The following DMD variants were observed in gnomAD, a reference collection of about 807,000 sequenced individuals.
DMD encodes dystrophin, also known as mutant dystrophin.
A neutral mutation model predicts 330.1 loss-of-function variants in DMD; 63 were observed. The observed-to-expected ratio is 0.19, with a 90% CI of 0.16 to 0.24. The LOEUF is 0.24. Among genes scored for constraint, DMD ranks in the 10% least tolerant of loss-of-function variants. DMD has a pLI of 1.00. For synonymous variants in DMD, 1,223 were observed against 959.8 expected, an observed-to-expected ratio of 1.27 and a Z score of -5.07; for missense variants, 3,344 against 2,684.1, an observed-to-expected ratio of 1.25 and a Z score of -5.43.
chrX:31,454,924 A>AT (rs1358667657), intron 59 of DMD, among the ~76,000 whole-genome samples: 1 of 99,299 alleles, frequency 1.0e-5, no homozygotes, highest in Non-Finnish European at 2.0e-5. Context: ...TGATATATAT[A>AT]TATTTTTAAG....
chrX:32,034,604 C>T (rs1290319399), intron 44 of DMD, among the ~76,000 whole-genome samples: 1 of 111,481 alleles, frequency 9.0e-6, no homozygotes, highest in African/African-American at 3.2e-5. Flanking sequence ...ATAATTATGG[C>T]TCTAAAACTG....
At chrX:31,684,937 T>C (rs909283443) in intron 52 of DMD, among the ~76,000 whole-genome samples, 6 of 112,272 alleles carry the variant, frequency 5.3e-5, no homozygotes, top group African/African-American at 1.6e-4. Context: ...ACAAACTCTT[T>C]TGATGTAAAC....
At chrX:32,714,124 T>C (rs754822065) in intron 7 of DMD, among the ~76,000 whole-genome samples, 8 of 111,642 alleles carry the variant, frequency 7.2e-5, no homozygotes, top group Admixed American at 3.8e-4. Context: ...TGAAAAATCA[T>C]TAGTCAAACC....
chrX:32,550,161 G>A (rs1266894575), intron 16 of DMD, among the ~76,000 whole-genome samples: 1 of 110,986 alleles, frequency 9.0e-6, no homozygotes, highest in African/African-American at 3.3e-5. Flanking sequence ...GAATAGTGTA[G>A]GCACAATGGT....
intron 55 of DMD, among the ~76,000 whole-genome samples, chrX:31,559,372 G>T (rs2075048004): frequency 1.3e-5 from 1 of 76,743 alleles, no homozygotes; most frequent in African/African-American, 6.8e-5. Flanking sequence ...GCCGGGCGCG[G>T]TGGCTCACGC....
At chrX:32,839,738 T>A (rs893231786) in intron 4 of DMD, among the ~76,000 whole-genome samples, 10 of 111,289 alleles carry the variant, frequency 9.0e-5, no homozygotes, top group Admixed American at 7.7e-4. Flanking sequence ...GCATTTTTTT[T>A]TTTTCACTCT....
At chrX:31,458,651 C>A (rs1324454466) in intron 59 of DMD, among the ~76,000 whole-genome samples, 2 of 109,941 alleles carry the variant, frequency 1.8e-5, no homozygotes, top group African/African-American at 6.6e-5. Context: ...TTAGTGCCCT[C>A]AAAAATCTGT....
rs1367409595 is a variant in DMD, at chrX:33,295,953, T to C, written c.7+43306A>G. Reference sequence around the variant, plus strand: ...CCATGGGGGATGAGCTAATATGTGATGACAAACTATTTTGTGACAAATATG... The same window carrying C: ...CCATGGGGGATGAGCTAATATGTGACGACAAACTATTTTGTGACAAATATG... On this transcript the variant is annotated intron_variant, in intron 1 of 17. Transcript: ENST00000288447. Among the ~76,000 whole-genome samples the C allele has an allele frequency of 4.5e-5, 5 of 111,738 alleles. No homozygotes were observed. In the Admixed American group the frequency reaches 4.8e-4, roughly 11 times the overall value.
chrX:33,054,367 C>T (rs1365142416), intron 1 of DMD, among the ~76,000 whole-genome samples: 1 of 111,577 alleles, frequency 9.0e-6, no homozygotes, highest in African/African-American at 3.3e-5. Context: ...GGTATAACAA[C>T]AAAAAATATA....
intron 23 of DMD, among the ~76,000 whole-genome samples, chrX:32,468,171 C>T (rs1282535735): frequency 9.1e-6 from 1 of 110,283 alleles, no homozygotes; most frequent in Admixed American, 9.8e-5. Flanking sequence ...TAGTCATAAG[C>T]TAAATGATTA....
intron 54 of DMD, among the ~76,000 whole-genome samples, chrX:31,650,323 G>A (rs1389869851): frequency 1.8e-5 from 2 of 108,696 alleles, no homozygotes; most frequent in East Asian, 5.8e-4. Flanking sequence ...AATAAAGGTT[G>A]TATTTTAAAC....
chrX:31,768,888 A>C (rs917976791), intron 51 of DMD, among the ~76,000 whole-genome samples: 10 of 112,162 alleles, frequency 8.9e-5, no homozygotes, highest in African/African-American at 3.2e-4. Flanking sequence ...ACTGTCTAAA[A>C]TGAAGCAGAT....
intron 47 of DMD, among the ~76,000 whole-genome samples, chrX:31,923,211 T>C (rs978600428): frequency 8.9e-6 from 1 of 111,933 alleles, no homozygotes; most frequent in South Asian, 3.7e-4. Context: ...TGTGAAATTA[T>C]AGGAGGCAAA....
At chrX:32,905,555 C>G (rs764658925) in intron 2 of DMD, among the ~76,000 whole-genome samples, 18 of 111,628 alleles carry the variant, frequency 1.6e-4, no homozygotes, top group Admixed American at 7.6e-4. Context: ...TCTCTTGTCC[C>G]CTTGTCCATG....
At chrX:32,976,854 T>G (rs955645236) in intron 2 of DMD, among the ~76,000 whole-genome samples, 14 of 111,848 alleles carry the variant, frequency 1.3e-4, no homozygotes, top group Non-Finnish European at 2.4e-4. Context: ...TTTAGAATTT[T>G]ATATATATAT....
intron 28 of DMD, among the ~76,000 whole-genome samples, chrX:32,439,137 T>C (rs1328064714): frequency 8.9e-6 from 1 of 111,873 alleles, no homozygotes; most frequent in African/African-American, 3.2e-5. Flanking sequence ...TTCATCTTAC[T>C]GGACCTCAAA....
chrX:32,656,997 G>C (rs2060620561), intron 9 of DMD, among the ~76,000 whole-genome samples: 1 of 102,349 alleles, frequency 9.8e-6, no homozygotes, highest in African/African-American at 4.0e-5. Flanking sequence ...TACATATATA[G>C]TATACCAACT....
intron 25 of DMD, among the ~76,000 whole-genome samples, chrX:32,455,357 A>G (rs1603633880): frequency 9.0e-6 from 1 of 111,598 alleles, no homozygotes; most frequent in Non-Finnish European, 1.9e-5. Context: ...TATATAAAAG[A>G]TGTTCTAATA....
intron 30 of DMD, among the ~76,000 whole-genome samples, chrX:32,408,511 C>G (rs973615387): frequency 1.8e-5 from 2 of 111,504 alleles, no homozygotes; most frequent in African/African-American, 3.3e-5. Context: ...GGATCTCAAA[C>G]GATCTTAAAA....
Sources: gnomAD v4.1 joint callset for allele counts (sites outside exome capture counted in the v4.1 genomes callset) on GRCh38, gnomAD v4.1.1 for gene constraint, MANE v1.5 for transcripts, NCBI Gene and HGNC (gene_info 2026-07-23, HGNC 2026-07-21) for gene names.